CDH8: variants seen among roughly 807,000 people sequenced by gnomAD.
CDH8 encodes the protein cadherin-8.
CDH8 carries 17 observed loss-of-function variants against 68.1 expected under a neutral mutation model. That is an observed-to-expected ratio of 0.25 (90% confidence interval 0.17 to 0.37). The LOEUF (loss-of-function observed/expected upper bound fraction) is 0.37, where lower values mean the gene tolerates loss of function less well. Ranked by LOEUF, CDH8 falls within the 10% of genes least tolerant of loss-of-function variation. The pLI, the probability that CDH8 is intolerant of heterozygous loss-of-function variation, is 1.00. For missense variants in CDH8, 763 were observed against 999.3 expected (o/e 0.76, Z 3.19); for synonymous variants, 372 against 365.1 (o/e 1.02, Z -0.21).
chr16:61,871,814 GCA>G (rs1963370357), intron 3 of CDH8, among the ~76,000 whole-genome samples: 1 of 18,818 alleles, frequency 5.3e-5, no homozygotes, highest in Non-Finnish European at 9.4e-5. Flanking sequence ...TGTTCTATAT[GCA>G]AAAAAAAAAA....
At chr16:61,749,067 A>C (rs2142942831) in intron 8 of CDH8, among the ~76,000 whole-genome samples, 1 of 152,232 alleles carries the variant, frequency 6.6e-6, no homozygotes, top group Middle Eastern at 3.4e-3. Context: ...TATTGAGGTA[A>C]GGCAGAGTAG....
At chr16:61,886,677 C>A (rs2143165132) in intron 3 of CDH8, among the ~76,000 whole-genome samples, 1 of 152,304 alleles carries the variant, frequency 6.6e-6, no homozygotes. Context: ...TCCATTTCCA[C>A]CCACCTCTGC....
chr16:62,023,279 C>A (rs747009099), intron 1 of CDH8, among the ~76,000 whole-genome samples: 29 of 152,086 alleles, frequency 1.9e-4, no homozygotes, highest in Admixed American at 6.6e-4. Context: ...TAGACCCGAG[C>A]GAGAAGTTGG....
rs1302906799 is a variant in CDH8 at position 61,647,892 on chromosome 16, T to C, written c.*5716A>G. 1.4e-6 allele frequency: 1 copy of C among 696,714 alleles called. No individual in the cohort carries two copies. Among genetic ancestry groups the C allele is most frequent in the Non-Finnish European group, 2.6e-6 (1 of 381,626 alleles). 43.2% of individuals were successfully genotyped at this position (696,714 alleles called of 1,614,324 possible). On this transcript the variant is annotated 3_prime_UTR_variant, in exon 12 of 12. Coordinates refer to ENST00000577390, the MANE Select transcript of CDH8 (RefSeq NM_001796.5). ...CCTAGCAACCCTCTTCTGTAATCTG[T>C]GGATAATAATAGAAATATCTATTAT... is the stretch of plus-strand genomic sequence containing the variant.
At chr16:61,712,199 T>A (rs1031797555) in intron 10 of CDH8, among the ~76,000 whole-genome samples, 3 of 151,704 alleles carry the variant, frequency 2.0e-5, no homozygotes, top group Non-Finnish European at 4.4e-5. Flanking sequence ...AGAAAACACA[T>A]AAAATTCATT....
intron 2 of CDH8, among the ~76,000 whole-genome samples, chr16:61,966,515 G>A (rs750950040): frequency 1.1e-4 from 17 of 151,812 alleles, no homozygotes; most frequent in African/African-American, 3.4e-4. Flanking sequence ...TCCAGCCTGC[G>A]GACGGAGCAA....
intron 8 of CDH8, among the ~76,000 whole-genome samples, chr16:61,739,977 G>A (rs111733626): frequency 1.2e-3 from 169 of 144,966 alleles, no homozygotes; most frequent in African/African-American, 3.9e-3. Flanking sequence ...GCACAATCTC[G>A]GCTCACTGCA....
intron 2 of CDH8, among the ~76,000 whole-genome samples, chr16:61,980,858 C>A (rs747604299): frequency 6.6e-6 from 1 of 152,070 alleles, no homozygotes; most frequent in African/African-American, 2.4e-5. Context: ...GATATACTCT[C>A]CATTCAAATA....
chr16:61,672,756 T>C (rs938518121), intron 10 of CDH8, among the ~76,000 whole-genome samples: 1 of 151,988 alleles, frequency 6.6e-6, no homozygotes, highest in Non-Finnish European at 1.5e-5. Flanking sequence ...ACTAAAAATA[T>C]ATATGTTAAG....
At chr16:61,951,039 C>G (rs1454914079) in intron 2 of CDH8, among the ~76,000 whole-genome samples, 1 of 151,862 alleles carries the variant, frequency 6.6e-6, no homozygotes, top group African/African-American at 2.4e-5. Flanking sequence ...ACCCCCGAAC[C>G]TAAAATAAAA....
At chr16:61,664,183 A>C (rs182111328) in intron 10 of CDH8, among the ~76,000 whole-genome samples, 31 of 151,998 alleles carry the variant, frequency 2.0e-4, no homozygotes, top group African/African-American at 7.0e-4. Flanking sequence ...TATTCTTTAT[A>C]TCGATGCTCA....
In CDH8 at chr16:61,653,792, G is replaced by A. The variant is rs1399172714; in HGVS notation, c.2216C>T (p.Pro739Leu). The A allele has an allele frequency of 8.7e-6, 14 of 1,614,032 alleles. No homozygotes were observed. The highest frequency in any genetic ancestry group is 1.3e-5 in the African/African-American group (1 of 74,896). Residue 739 changes from proline to leucine, a missense_variant, in exon 12 of 12, where the codon CCG (proline) becomes CTG (leucine). By Grantham distance (98) the Pro-to-Leu change is moderately conservative. This residue lies in a region of CDH8 where 397 missense variants were observed against 436.2 expected (regional missense o/e 0.91). Coordinates refer to ENST00000577390, the MANE Select transcript of CDH8 (RefSeq NM_001796.5). ...ATATATCTGAATGGAGTCATATGGC[G>A]GGGCCGTGGGATCATTATCTGCCTC... ...LHEADNDPTAPPYDSIQIYGY... is the reference protein window; with the variant it reads ...LHEADNDPTALPYDSIQIYGY...
chr16:61,824,012 T>G (rs1007447554), intron 5 of CDH8, among the ~76,000 whole-genome samples: 5 of 151,922 alleles, frequency 3.3e-5, no homozygotes, highest in Admixed American at 2.0e-4. Flanking sequence ...AGCAAAGAAA[T>G]GGACATCACC....
intron 3 of CDH8, among the ~76,000 whole-genome samples, chr16:61,861,220 T>A (rs1963143632): frequency 6.6e-6 from 1 of 152,186 alleles, no homozygotes; most frequent in South Asian, 2.1e-4. Flanking sequence ...TACAAAATAA[T>A]AGTTAAAAAT....
intron 2 of CDH8, among the ~76,000 whole-genome samples, chr16:62,018,189 C>T (rs1901988514): frequency 6.6e-6 from 1 of 152,156 alleles, no homozygotes; most frequent in South Asian, 2.1e-4. Context: ...GAGAGTACAT[C>T]TCTGATGCTA....
chr16:61,681,684 C>A (rs1596861558), intron 10 of CDH8, among the ~76,000 whole-genome samples: 1 of 151,578 alleles, frequency 6.6e-6, no homozygotes, highest in Middle Eastern at 3.4e-3. Context: ...TAAATGATTT[C>A]TCAAAAATCT....
At chr16:61,890,203 A>G (rs1294649059) in intron 3 of CDH8, among the ~76,000 whole-genome samples, 1 of 152,222 alleles carries the variant, frequency 6.6e-6, no homozygotes. Flanking sequence ...TAAAGAACAT[A>G]AAGAGACAAT....
rs183760281 is a variant in CDH8 at position 62,014,914 on chromosome 16, T to C, written c.252+6238A>G. On this transcript the variant is annotated intron_variant, in intron 2 of 11. Transcript: ENST00000577390. ...CTGCAGAGCAGACTGGTTTTTTTTTTCCCAAAATAAGCAATATAAGGAATT... is the reference window on the plus strand; with the variant it reads ...CTGCAGAGCAGACTGGTTTTTTTTTCCCCAAAATAAGCAATATAAGGAATT... Among the ~76,000 whole-genome samples the C allele has an allele frequency of 7.9e-3, 1,205 of 151,730 alleles. 41 individuals carry two copies. Among genetic ancestry groups the C allele is most frequent in the Admixed American group, 0.072 (1,093 of 15,226 alleles).
rs376259977 is a variant in CDH8 at position 61,648,138 on chromosome 16, A to G, written c.*5470T>C. On this transcript the variant is annotated 3_prime_UTR_variant, in exon 12 of 12. Coordinates refer to ENST00000577390, the MANE Select transcript of CDH8 (RefSeq NM_001796.5). ...TACAACTCAGGAGATGACCCCAAAT[A>G]CCAGCATGTAATTTCTGTTTCTCTC... The G allele has an allele frequency of 7.6e-5, 22 of 289,308 alleles. No individual in the cohort carries two copies. The highest frequency in any genetic ancestry group is 4.0e-4 in the African/African-American group (18 of 45,312). The allele number at this position is 289,308 out of a possible 1,614,324, so 17.9% of individuals were successfully genotyped here. A position where few individuals can be genotyped will look rare whatever the true frequency, so the allele number is the denominator to read the frequency against.
Sources: allele counts gnomAD v4.1 joint callset (sites outside exome capture counted in the v4.1 genomes callset), GRCh38; gene constraint gnomAD v4.1.1; regional missense constraint gnomAD v4.1.1; transcripts MANE v1.5; gene names NCBI Gene and HGNC (gene_info 2026-07-23, HGNC 2026-07-21).